GRM7: variants seen among roughly 807,000 people sequenced by gnomAD.
GRM7 encodes the protein glutamate metabotropic receptor 7.
Under a neutral mutation model 84.5 loss-of-function variants are expected in GRM7, and 35 were observed. That is an observed-to-expected ratio of 0.41 (90% CI 0.32 to 0.55). The LOEUF (loss-of-function observed/expected upper bound fraction) is 0.55, where lower values mean the gene tolerates loss of function less well. Ranked by LOEUF, GRM7 falls within the 20% of genes least tolerant of loss-of-function variation. The probability of loss-of-function intolerance (pLI) is 0.19; values close to 1 mark genes in which losing one functional copy is unlikely to be tolerated. For missense variants in GRM7, 1,003 were observed against 1,194.6 expected (o/e 0.84, Z 2.36); for synonymous variants, 487 against 455.1 (o/e 1.07, Z -0.89).
chr3:7,533,424 A>G (rs900458217), intron 7 of GRM7, among the ~76,000 whole-genome samples: 5 of 152,202 alleles, frequency 3.3e-5, no homozygotes, highest in Admixed American at 6.5e-5. Context: ...TTAAGGCAGA[A>G]ATAAATAAGT....
chr3:7,631,287 C>T (rs1260543041), intron 8 of GRM7, among the ~76,000 whole-genome samples: 1 of 152,110 alleles, frequency 6.6e-6, no homozygotes, highest in Non-Finnish European at 1.5e-5. Flanking sequence ...AAGATTCCAA[C>T]AGAGGGACAC....
At chr3:7,478,402 C>A (rs1302663910) in intron 7 of GRM7, among the ~76,000 whole-genome samples, 1 of 152,044 alleles carries the variant, frequency 6.6e-6, no homozygotes, top group Non-Finnish European at 1.5e-5. Context: ...GCCCACGTAT[C>A]AAGTAGACAT....
intron 1 of GRM7, among the ~76,000 whole-genome samples, chr3:7,051,998 T>C (rs1697019550): frequency 6.6e-6 from 1 of 151,706 alleles, no homozygotes; most frequent in South Asian, 2.1e-4. Flanking sequence ...GATGCCCTTC[T>C]TCACAGAATT....
chr3:7,505,443 A>G (rs1700011639), intron 7 of GRM7, among the ~76,000 whole-genome samples: 1 of 152,240 alleles, frequency 6.6e-6, no homozygotes, highest in Non-Finnish European at 1.5e-5. Context: ...CCCAAATTTT[A>G]GCTCAGCTTT....
chr3:7,338,362 G>A (rs1446685278), intron 4 of GRM7, among the ~76,000 whole-genome samples: 4 of 152,026 alleles, frequency 2.6e-5, no homozygotes, highest in East Asian at 1.9e-4. Flanking sequence ...TGAGAGGGTA[G>A]TGAGTGGTAA....
intron 2 of GRM7, among the ~76,000 whole-genome samples, chr3:7,218,815 T>TAC (rs1326073205): frequency 3.3e-5 from 5 of 152,078 alleles, no homozygotes; most frequent in Non-Finnish European, 7.4e-5. Context: ...GCATTACAAA[T>TAC]ATATATATTT....
chr3:6,861,339 A>C lies in GRM7; in HGVS notation c.-50A>C. On this transcript the variant is annotated 5_prime_UTR_variant, in exon 1 of 10. Transcript: ENST00000357716. The surrounding 1 kb of genome is among the most constrained non-coding windows in gnomAD (Gnocchi z 6.4). ...GAAGGGCCCGGACCTCGGCGAGCCC[A>C]CCACCGTTCCCTCCAGCGCCGCCGC... The C allele has an allele frequency of 1.4e-6, 2 of 1,440,688 alleles. No homozygotes were observed. Among genetic ancestry groups the C allele is most frequent in the Admixed American group, 3.0e-5 (1 of 32,794 alleles). 89.2% of individuals were successfully genotyped at this position (1,440,688 alleles called of 1,614,324 possible). A position where few individuals can be genotyped will look rare whatever the true frequency, so the allele number is the denominator to read the frequency against.
At chr3:6,872,343 C>A (rs991531952) in intron 1 of GRM7, among the ~76,000 whole-genome samples, 1 of 152,288 alleles carries the variant, frequency 6.6e-6, no homozygotes, top group East Asian at 1.9e-4. Context: ...TCCAAGCTTG[C>A]ATGCTCCATT....
At chr3:6,997,582 A>C (rs6792416) in intron 1 of GRM7, among the ~76,000 whole-genome samples, 2,322 of 152,286 alleles carry the variant, frequency 0.015, 73 homozygotes, top group African/African-American at 0.053. Flanking sequence ...ATTACCTCCC[A>C]CCTAGTCCTT....
At chr3:7,129,302 A>T (rs557202151) in intron 1 of GRM7, among the ~76,000 whole-genome samples, 23 of 152,340 alleles carry the variant, frequency 1.5e-4, no homozygotes, top group South Asian at 4.1e-4. Context: ...CACATAAATG[A>T]TCAGCCGTTA....
At chr3:7,471,625 T>C (rs1348945863) in intron 7 of GRM7, among the ~76,000 whole-genome samples, 1 of 152,212 alleles carries the variant, frequency 6.6e-6, no homozygotes, top group Non-Finnish European at 1.5e-5. Flanking sequence ...AAGGCCCATA[T>C]GATTGTATTG....
intron 5 of GRM7, among the ~76,000 whole-genome samples, chr3:7,438,131 T>C (rs776200788): frequency 1.3e-5 from 2 of 151,638 alleles, no homozygotes; most frequent in Non-Finnish European, 2.9e-5. Flanking sequence ...ATCAGGGGAG[T>C]GGCATGGCCT....
intron 7 of GRM7, among the ~76,000 whole-genome samples, chr3:7,478,572 A>G (rs957584037): frequency 2.0e-5 from 3 of 152,180 alleles, no homozygotes; most frequent in Non-Finnish European, 4.4e-5. Context: ...GGGAGCAATC[A>G]ATGAGTATGG....
intron 1 of GRM7, among the ~76,000 whole-genome samples, chr3:7,071,411 A>G (rs1385228242): frequency 6.6e-6 from 1 of 152,114 alleles, no homozygotes; most frequent in Non-Finnish European, 1.5e-5. Context: ...AAGAGGAAAA[A>G]TATTCCATTC....
intron 2 of GRM7, among the ~76,000 whole-genome samples, chr3:7,226,249 T>A (rs1696977615): frequency 6.6e-6 from 1 of 152,178 alleles, no homozygotes. Context: ...AAGGCAAAAC[T>A]GCAAGTTTGC....
At chr3:7,589,576 C>T (rs527236622) in intron 8 of GRM7, among the ~76,000 whole-genome samples, 40 of 152,034 alleles carry the variant, frequency 2.6e-4, no homozygotes, top group Non-Finnish European at 1.5e-4. Flanking sequence ...TAGAAATGGC[C>T]GTGTAAGAGG....
intron 4 of GRM7, among the ~76,000 whole-genome samples, chr3:7,371,697 C>T (rs1309908812): frequency 6.6e-6 from 1 of 152,164 alleles, no homozygotes; most frequent in East Asian, 1.9e-4. Context: ...CCTTTCTCCT[C>T]CTCTATGGAC....
intron 6 of GRM7, among the ~76,000 whole-genome samples, chr3:7,453,677 G>T (rs894634578): frequency 6.6e-6 from 1 of 152,040 alleles, no homozygotes; most frequent in Non-Finnish European, 1.5e-5. Flanking sequence ...TTTCCTGTCA[G>T]CCTCCATGTG....
chr3:6,964,328 A>G (rs1004575779), intron 1 of GRM7, among the ~76,000 whole-genome samples: 1 of 152,060 alleles, frequency 6.6e-6, no homozygotes, highest in African/African-American at 2.4e-5. Flanking sequence ...CTGTGAACTT[A>G]TCATTGTATC....
Sources: gnomAD v4.1 joint callset for allele counts (sites outside exome capture counted in the v4.1 genomes callset) on GRCh38, gnomAD v4.1.1 for gene constraint, Gnocchi (gnomAD v3.1) non-coding constraint, MANE v1.5 for transcripts, NCBI Gene and HGNC (gene_info 2026-07-23, HGNC 2026-07-21) for gene names.